The following SLC28A3 variants were observed in gnomAD, a reference collection of about 807,000 sequenced individuals.
The protein encoded by SLC28A3 is solute carrier family 28 member 3.
Under a neutral mutation model 84.2 loss-of-function variants are expected in SLC28A3, and 68 were observed. That is an observed-to-expected ratio of 0.81 (90% CI 0.66 to 0.99). The LOEUF is 0.99. Among genes scored for constraint, SLC28A3 ranks in the 50% least tolerant of loss-of-function variants. The probability of loss-of-function intolerance (pLI) is 0.00; values close to 1 mark genes in which losing one functional copy is unlikely to be tolerated. For synonymous variants in SLC28A3, 267 were observed against 303.6 expected (o/e 0.88, Z 1.25); for missense variants, 712 against 841.5 (o/e 0.85, Z 1.90).
chr9:84,311,724 C>T (rs951961238), intron 2 of SLC28A3, among the ~76,000 whole-genome samples: 8 of 152,066 alleles, frequency 5.3e-5, no homozygotes, highest in African/African-American at 1.7e-4. Flanking sequence ...GGCACAGTGA[C>T]GGGTGCCGGT....
chr9:84,344,928 C>A (rs549953498), upstream of SLC28A3, among the ~76,000 whole-genome samples: 1 of 152,266 alleles, frequency 6.6e-6, no homozygotes, highest in Non-Finnish European at 1.5e-5. Flanking sequence ...CCACCTTGGG[C>A]AAATGTTCTT....
intron 2 of SLC28A3, among the ~76,000 whole-genome samples, chr9:84,310,214 C>T (rs1024383577): frequency 1.3e-5 from 2 of 152,152 alleles, no homozygotes; most frequent in Admixed American, 1.3e-4. Flanking sequence ...ATAAGCCTCC[C>T]CTTGGGAACT....
At chr9:84,343,149 A>C (rs1383158427), upstream of SLC28A3, among the ~76,000 whole-genome samples, 3 of 151,664 alleles carry the variant, frequency 2.0e-5, no homozygotes, top group Non-Finnish European at 4.4e-5. Flanking sequence ...ACGCCACCGC[A>C]CTCCAGACTG....
At chr9:84,316,882 T>C (rs1826185993) in intron 1 of SLC28A3, among the ~76,000 whole-genome samples, 2 of 152,088 alleles carry the variant, frequency 1.3e-5, no homozygotes, top group Admixed American at 1.3e-4. Flanking sequence ...GCACCTGTAG[T>C]CCCAGCTACT....
intron 12 of SLC28A3, among the ~76,000 whole-genome samples, chr9:84,287,457 T>A (rs1246043937): frequency 6.6e-6 from 1 of 152,176 alleles, no homozygotes; most frequent in Non-Finnish European, 1.5e-5. Flanking sequence ...CCAGAAATGG[T>A]CATCCTATGG....
intron 2 of SLC28A3, chr9:84,310,440 A>T: frequency 2.0e-6 from 2 of 985,426 alleles, no homozygotes; most frequent in Non-Finnish European, 2.4e-6. Context: ...AATGTCTCAA[A>T]TAATAAGCCT....
At chr9:84,320,685 G>A (rs926040793) in intron 1 of SLC28A3, among the ~76,000 whole-genome samples, 2 of 152,060 alleles carry the variant, frequency 1.3e-5, no homozygotes, top group African/African-American at 4.8e-5. Flanking sequence ...CCTATTCTCA[G>A]GGAGTTTCGA....
chr9:84,307,156 C>T (rs901925449), intron 3 of SLC28A3, among the ~76,000 whole-genome samples: 5 of 146,222 alleles, frequency 3.4e-5, no homozygotes, highest in South Asian at 2.1e-4. Context: ...AAAGGCCAGG[C>T]GCGGTGGCTC....
the SLC28A3 span, among the ~76,000 whole-genome samples, chr9:84,362,657 GTTAATAAA>G: frequency 8.9e-5 from 12 of 134,472 alleles, 1 homozygote; most frequent in South Asian, 7.2e-4. Context: ...AAATAAATAA[GTTAATAAA>G]TAAATAAATA....
At chr9:84,332,788 A>G (rs564021440) in intron 1 of SLC28A3, among the ~76,000 whole-genome samples, 1 of 152,342 alleles carries the variant, frequency 6.6e-6, no homozygotes, top group African/African-American at 2.4e-5. Context: ...AAGATACAGG[A>G]AAGAGAAGCA....
intron 15 of SLC28A3, 100 bp from the exon 16 acceptor site, chr9:84,280,173 A>ATT: frequency 3.1e-6 from 3 of 964,738 alleles, no homozygotes; most frequent in East Asian, 2.9e-5. Context: ...AGGTCAGCTG[A>ATT]CTTTTTTTTT....
At chr9:84,309,830 T>C in intron 2 of SLC28A3, 116 bp from the exon 3 acceptor site, 1 of 781,684 alleles carries the variant, frequency 1.3e-6, no homozygotes, top group East Asian at 2.6e-5. Context: ...TTTAAATTAT[T>C]ATGCAAGAAG....
the SLC28A3 span, among the ~76,000 whole-genome samples, chr9:84,355,393 G>A: frequency 2.6e-5 from 4 of 152,060 alleles, no homozygotes; most frequent in Admixed American, 1.3e-4. Context: ...AGCTATGATC[G>A]TGCTACTATA....
chr9:84,353,881 A>G, the SLC28A3 span, among the ~76,000 whole-genome samples: 5 of 152,202 alleles, frequency 3.3e-5, no homozygotes, highest in Non-Finnish European at 1.5e-5. Flanking sequence ...ATTCATTAGC[A>G]TGATTCAAAA....
the SLC28A3 span, among the ~76,000 whole-genome samples, chr9:84,354,991 C>T: frequency 5.3e-5 from 8 of 152,168 alleles, no homozygotes; most frequent in South Asian, 4.2e-4. Flanking sequence ...TAAGAAGAAG[C>T]TATACCTTAT....
the SLC28A3 span, among the ~76,000 whole-genome samples, chr9:84,363,837 G>C: frequency 6.6e-6 from 1 of 152,206 alleles, no homozygotes; most frequent in Admixed American, 6.5e-5. Context: ...TGATCCTCCT[G>C]CTTTGGTTTC....
chr9:84,290,162 A>G lies in SLC28A3; in HGVS notation c.1141T>C (p.Ser381Pro). Reference sequence around the variant, plus strand: ...TTCCAAAACATTCTTACCCCAAAAGAAATGTATGCACCTAGCACGCTTCCA... The same window carrying G: ...TTCCAAAACATTCTTACCCCAAAAGGAATGTATGCACCTAGCACGCTTCCA... ...IAGSVLGAYI[S>P]FGVPSSHLLT... The change falls in exon 11 of 18, where the codon TCT (serine) becomes CCT (proline). Residue 381 changes from serine to proline, a missense_variant. Coordinates refer to ENST00000376238, the MANE Select transcript of SLC28A3 (RefSeq NM_001199633.2). 6.2e-7 allele frequency: 1 copy of G among 1,613,682 alleles called. No individual in the cohort carries two copies. Among genetic ancestry groups the G allele is most frequent in the Non-Finnish European group, 8.5e-7 (1 of 1,179,720 alleles).
rs761323788 is a variant in SLC28A3 at position 84,290,238 on chromosome 9, G to C, written c.1065C>G (p.Ile355Met). The C allele has an allele frequency of 6.2e-7, 1 of 1,614,108 alleles. No individual in the cohort carries two copies. Among genetic ancestry groups the C allele is most frequent in the East Asian group, 2.2e-5 (1 of 44,870 alleles). Residue 355 changes from isoleucine to methionine, a missense_variant, in exon 11 of 18, where the codon ATC (isoleucine) becomes ATG (methionine). Coordinates refer to ENST00000376238, the MANE Select transcript of SLC28A3 (RefSeq NM_001199633.2). ...PLLVRPYLPY[I>M]TKSELHAIMT... ...TGATGGCGTGGAGTTCAGACTTGGT[G>C]ATGTAAGGTAAATATGGTCGGACCA...
chr9:84,359,116 G>A, the SLC28A3 span, among the ~76,000 whole-genome samples: 836 of 152,192 alleles, frequency 5.5e-3, 13 homozygotes, highest in East Asian at 0.043. Context: ...CTCCAGCCCC[G>A]TCCTCTCCTT....
Sources: allele counts gnomAD v4.1 joint callset (sites outside exome capture counted in the v4.1 genomes callset), GRCh38; gene constraint gnomAD v4.1.1; transcripts MANE v1.5; gene names NCBI Gene and HGNC (gene_info 2026-07-23, HGNC 2026-07-21).